The following ZPBP variants were observed in gnomAD, a reference collection of about 807,000 sequenced individuals.
ZPBP encodes the protein zona pellucida binding protein, also known as zona pellucida-binding protein 1.
Under a neutral mutation model 44.8 loss-of-function variants are expected in ZPBP, and 26 were observed. That is an observed-to-expected ratio of 0.58 (90% CI 0.43 to 0.81). ZPBP has a LOEUF of 0.81. Ranked by LOEUF, ZPBP falls within the 30% of genes least tolerant of loss-of-function variation. The pLI is 0.00. For synonymous variants in ZPBP, 174 were observed against 153.2 expected, an observed-to-expected ratio of 1.14 and a Z score of -1.00; for missense variants, 409 against 434.0, an observed-to-expected ratio of 0.94 and a Z score of 0.51.
intron 3 of ZPBP, among the ~76,000 whole-genome samples, chr7:50,073,629 A>G (rs2128844764): frequency 6.6e-6 from 1 of 152,230 alleles, no homozygotes; most frequent in Middle Eastern, 3.4e-3. Flanking sequence ...CCTAAGGTAA[A>G]GGTTAAAGAA....
chr7:49,881,838 TAAAC>T (rs925533010), intron 2 of ZPBP, among the ~76,000 whole-genome samples: 4 of 152,058 alleles, frequency 2.6e-5, no homozygotes, highest in African/African-American at 9.7e-5. Context: ...TTTGTACTAC[TAAAC>T]AGATATTTTT....
chr7:49,889,516 G>C (rs148827182), intron 2 of ZPBP, among the ~76,000 whole-genome samples: 18 of 152,308 alleles, frequency 1.2e-4, no homozygotes, highest in Non-Finnish European at 2.4e-4. Context: ...TGGGTCCAGT[G>C]AAAGAAGGAG....
At chr7:50,020,378 T>C (rs1177250882) in intron 5 of ZPBP, among the ~76,000 whole-genome samples, 1 of 152,108 alleles carries the variant, frequency 6.6e-6, no homozygotes, top group Non-Finnish European at 1.5e-5. Flanking sequence ...TATAAGGTCT[T>C]TTCTTATCTA....
rs1174115789 is a variant in ZPBP at position 50,093,052 on chromosome 7, C to T, written c.127+16G>A. 1.3e-6 allele frequency: 2 copies of T among 1,594,568 alleles called. No individual in the cohort carries two copies. The highest frequency in any genetic ancestry group is 1.7e-6 in the Non-Finnish European group (2 of 1,171,550). On this transcript the variant is annotated intron_variant, in intron 1 of 7. Coordinates refer to ENST00000046087, the MANE Select transcript of ZPBP (RefSeq NM_007009.3). ...GGTTGTCCCTGCGGAGCCGGCAGGGCGGCGCGGACCCTCACCTGATGAGGG... is the reference window on the plus strand; with the variant it reads ...GGTTGTCCCTGCGGAGCCGGCAGGGTGGCGCGGACCCTCACCTGATGAGGG...
chr7:49,981,370 T>C (rs1796891983), intron 7 of ZPBP, among the ~76,000 whole-genome samples: 1 of 4,838 alleles, frequency 2.1e-4, no homozygotes, highest in African/African-American at 1.3e-3. Flanking sequence ...TATATAATTA[T>C]ATATATTATA....
chr7:49,958,890 CA>C (rs1795724809), intron 7 of ZPBP, among the ~76,000 whole-genome samples: 2 of 151,970 alleles, frequency 1.3e-5, no homozygotes, highest in African/African-American at 2.4e-5. Flanking sequence ...AACCGTAATC[CA>C]AAATCACAAC....
At chr7:50,008,126 G>T (rs1389466278) in intron 6 of ZPBP, among the ~76,000 whole-genome samples, 5 of 152,046 alleles carry the variant, frequency 3.3e-5, no homozygotes, top group Admixed American at 6.6e-5. Flanking sequence ...AAACTTGTAA[G>T]ATTCCACACC....
chr7:50,001,654 T>C (rs1436925630), intron 6 of ZPBP, among the ~76,000 whole-genome samples: 1 of 152,114 alleles, frequency 6.6e-6, no homozygotes, highest in Non-Finnish European at 1.5e-5. Context: ...TGAAGGAGAA[T>C]AATCCATTCC....
At chr7:50,044,855 A>C (rs1185481465) in intron 4 of ZPBP, among the ~76,000 whole-genome samples, 5 of 152,118 alleles carry the variant, frequency 3.3e-5, no homozygotes, top group African/African-American at 4.8e-5. Flanking sequence ...GGCAGAGACA[A>C]AAAAAGAACA....
chr7:49,865,091 A>G (rs1489492345), intron 2 of ZPBP, among the ~76,000 whole-genome samples: 1 of 152,260 alleles, frequency 6.6e-6, no homozygotes, highest in African/African-American at 2.4e-5. Flanking sequence ...CTTTTCTGTC[A>G]TGTTTTCTTG....
intron 3 of ZPBP, among the ~76,000 whole-genome samples, chr7:50,075,529 AAGAG>A (rs1802036801): frequency 6.6e-6 from 1 of 151,952 alleles, no homozygotes; most frequent in South Asian, 2.1e-4. Flanking sequence ...CAGACTAAGA[AAGAG>A]AGAAGATCCA....
At chr7:49,930,214 T>G (rs1794400903) in intron 1 of ZPBP, among the ~76,000 whole-genome samples, 1 of 152,224 alleles carries the variant, frequency 6.6e-6, no homozygotes, top group East Asian at 1.9e-4. Context: ...GCAGAGCCAC[T>G]GCACCAGCTA....
chr7:50,034,938 T>C (rs1250036389), intron 4 of ZPBP, among the ~76,000 whole-genome samples: 1 of 152,232 alleles, frequency 6.6e-6, no homozygotes, highest in Non-Finnish European at 1.5e-5. Flanking sequence ...TTGAGGATTG[T>C]AAGGTTAAAG....
In ZPBP at chr7:49,855,912, A is replaced by C. The variant is rs1455962462; in HGVS notation, n.510-5398T>G. ...AGTGAAGTGGGGAAGAGAAGGAAGA[A>C]AACTGATGTTTCTTTCAGATCCACT... On this transcript the variant is annotated intron_variant and non_coding_transcript_variant, in intron 2 of 2. Transcript: ENST00000465922. Among the ~76,000 whole-genome samples, 3 of 152,144 alleles carry C rather than the reference A, an allele frequency of 2.0e-5. No homozygotes were observed. The East Asian group carries it at 5.8e-4, about 29-fold the overall frequency.
chr7:50,010,731 G>A (rs1004434585), intron 6 of ZPBP, among the ~76,000 whole-genome samples: 1 of 151,978 alleles, frequency 6.6e-6, no homozygotes, highest in Non-Finnish European at 1.5e-5. Context: ...ACACATCCAC[G>A]CTCATGGATG....
At chr7:50,059,984 T>C (rs1420327064) in intron 3 of ZPBP, among the ~76,000 whole-genome samples, 2 of 149,012 alleles carry the variant, frequency 1.3e-5, no homozygotes, top group Non-Finnish European at 1.5e-5. Flanking sequence ...GCATTGAGAG[T>C]AGTCGGAGGG....
chr7:49,975,289 G>A (rs1302108965), intron 7 of ZPBP, among the ~76,000 whole-genome samples: 1 of 152,144 alleles, frequency 6.6e-6, no homozygotes, highest in East Asian at 1.9e-4. Flanking sequence ...CTAGGATCTA[G>A]GAAAAGGAAT....
At chr7:50,085,793 G>C (rs1301006952) in intron 2 of ZPBP, among the ~76,000 whole-genome samples, 1 of 152,100 alleles carries the variant, frequency 6.6e-6, no homozygotes, top group African/African-American at 2.4e-5. Context: ...AAGAGGAAAA[G>C]CTGGGGAATG....
intron 3 of ZPBP, among the ~76,000 whole-genome samples, chr7:50,059,780 A>C (rs1801155643): frequency 6.6e-6 from 1 of 152,222 alleles, no homozygotes; most frequent in South Asian, 2.1e-4. Flanking sequence ...ACATTATGAC[A>C]GCCAGAAAAT....
Sources: gnomAD v4.1 joint callset for allele counts (sites outside exome capture counted in the v4.1 genomes callset) on GRCh38, gnomAD v4.1.1 for gene constraint, MANE v1.5 for transcripts, NCBI Gene and HGNC (gene_info 2026-07-23, HGNC 2026-07-21) for gene names.